The following GSN variants were observed in gnomAD, a reference collection of about 807,000 sequenced individuals.
The protein encoded by GSN is actin-depolymerizing factor.
Under a neutral mutation model 85.7 loss-of-function variants are expected in GSN, and 56 were observed. The observed-to-expected ratio is 0.65, with a 90% CI of 0.53 to 0.82. GSN has a LOEUF of 0.82. Ranked by LOEUF, GSN falls within the 40% of genes least tolerant of loss-of-function variation. The probability of loss-of-function intolerance (pLI) is 0.00; values close to 1 mark genes in which losing one functional copy is unlikely to be tolerated. For synonymous variants in GSN, 373 were observed against 399.1 expected, an observed-to-expected ratio of 0.93 and a Z score of 0.78; for missense variants, 857 against 979.8, an observed-to-expected ratio of 0.87 and a Z score of 1.67.
chr9:121,266,162 C>T (rs1321665575), upstream of GSN, among the ~76,000 whole-genome samples: 1 of 152,174 alleles, frequency 6.6e-6, no homozygotes, highest in African/African-American at 2.4e-5. Flanking sequence ...TTAGATCTAG[C>T]TTAGAATGTG....
chr9:121,294,321 A>C (rs1193474354), intron 2 of GSN, among the ~76,000 whole-genome samples: 2 of 152,058 alleles, frequency 1.3e-5, no homozygotes, highest in Non-Finnish European at 2.9e-5. Context: ...AGGGGCTAGG[A>C]CAGTTATTTG....
intron 2 of GSN, among the ~76,000 whole-genome samples, chr9:121,209,715 G>A (rs1386460407): frequency 6.6e-6 from 1 of 152,196 alleles, no homozygotes; most frequent in Non-Finnish European, 1.5e-5. Flanking sequence ...GTGCCTGGTA[G>A]GGAATAAACA....
chr9:121,267,565 C>T (rs1588524798), upstream of GSN, among the ~76,000 whole-genome samples: 1 of 152,184 alleles, frequency 6.6e-6, no homozygotes, highest in African/African-American at 2.4e-5. Context: ...TAGTCGATGT[C>T]TGGGGTTCCA....
At chr9:121,210,610 C>T (rs140119397) in intron 3 of GSN, among the ~76,000 whole-genome samples, 2 of 152,286 alleles carry the variant, frequency 1.3e-5, no homozygotes, top group East Asian at 1.9e-4. Context: ...TACCAGCACC[C>T]GTCCTGTGAA....
chr9:121,227,983 G>A (rs963780401), intron 4 of GSN, among the ~76,000 whole-genome samples: 1 of 152,098 alleles, frequency 6.6e-6, no homozygotes, highest in Non-Finnish European at 1.5e-5. Flanking sequence ...ATGGGGGCTA[G>A]TTAGTGCACC....
At chr9:121,222,750 A>G (rs562665919) in intron 4 of GSN, among the ~76,000 whole-genome samples, 7 of 152,284 alleles carry the variant, frequency 4.6e-5, no homozygotes, top group African/African-American at 1.7e-4. Context: ...AAGGCAGAGT[A>G]AGAGACTGAG....
At chr9:121,215,980 T>G (rs1795819351) in intron 4 of GSN, among the ~76,000 whole-genome samples, 1 of 152,156 alleles carries the variant, frequency 6.6e-6, no homozygotes, top group South Asian at 2.1e-4. Flanking sequence ...TGAAAGGCTC[T>G]TAGGCCATCA....
upstream of GSN, among the ~76,000 whole-genome samples, chr9:121,206,263 A>C (rs922236743): frequency 1.3e-5 from 2 of 152,194 alleles, no homozygotes. Context: ...AAAAGTTGAG[A>C]TCAGGTGCGG....
At chr9:121,245,114 A>G (rs2054674036) in intron 5 of GSN, among the ~76,000 whole-genome samples, 2 of 152,238 alleles carry the variant, frequency 1.3e-5, no homozygotes, top group African/African-American at 4.8e-5. Context: ...TAACCACACA[A>G]AGAAGACTTT....
chr9:121,201,720 G>A, the GSN span: 2 of 152,688 alleles, frequency 1.3e-5, no homozygotes, highest in African/African-American at 4.8e-5. Flanking sequence ...GACGCAGCGG[G>A]AGAGGGGGCG....
chr9:121,289,240 G>A (rs572679488), intron 2 of GSN, among the ~76,000 whole-genome samples: 5 of 151,926 alleles, frequency 3.3e-5, no homozygotes, highest in East Asian at 3.9e-4. Context: ...GGGGCCCAGC[G>A]GAGTGGTGGC....
intron 2 of GSN, chr9:121,300,071 C>A: frequency 6.2e-7 from 1 of 1,609,860 alleles, no homozygotes; most frequent in Non-Finnish European, 8.5e-7. Context: ...GCAGATACAG[C>A]GCTAGGAAAA....
intron 2 of GSN, chr9:121,284,160 C>A (rs2057769660): frequency 6.0e-6 from 1 of 167,012 alleles, no homozygotes. Flanking sequence ...CCTCTGGGAA[C>A]CATTGGAAGT....
intron 2 of GSN, among the ~76,000 whole-genome samples, chr9:121,293,697 CAAAAAA>C (rs55953322): frequency 1.8e-5 from 2 of 108,828 alleles, no homozygotes; most frequent in Non-Finnish European, 1.9e-5. Flanking sequence ...GACCCCATCT[CAAAAAA>C]AAAAAAAAAA....
At chr9:121,266,892 C>T (rs2055234280), upstream of GSN, among the ~76,000 whole-genome samples, 1 of 152,154 alleles carries the variant, frequency 6.6e-6, no homozygotes, top group Non-Finnish European at 1.5e-5. Flanking sequence ...TTCCCTGGGT[C>T]CTGTGGCTTC....
At chr9:121,204,464 T>C (rs1346710807), upstream of GSN, among the ~76,000 whole-genome samples, 2 of 152,190 alleles carry the variant, frequency 1.3e-5, no homozygotes, top group African/African-American at 4.8e-5. Context: ...GGATGCAGAG[T>C]GCCTATCACA....
intron 6 of GSN, among the ~76,000 whole-genome samples, chr9:121,256,899 A>T (rs1228134446): frequency 2.0e-5 from 3 of 152,206 alleles, no homozygotes; most frequent in Non-Finnish European, 4.4e-5. Flanking sequence ...TCAAAAAAAG[A>T]AAAAGAAAAA....
intron 6 of GSN, among the ~76,000 whole-genome samples, chr9:121,257,255 T>C (rs2054984377): frequency 6.6e-6 from 1 of 152,208 alleles, no homozygotes; most frequent in Non-Finnish European, 1.5e-5. Context: ...ATAGTAGCTA[T>C]AATTTATTAA....
intron 4 of GSN, among the ~76,000 whole-genome samples, chr9:121,227,615 A>G (rs2054295506): frequency 6.6e-6 from 1 of 152,160 alleles, no homozygotes; most frequent in Non-Finnish European, 1.5e-5. Context: ...ATCCAACACA[A>G]TCTTTAGATA....
Sources: allele counts gnomAD v4.1 joint callset (sites outside exome capture counted in the v4.1 genomes callset), GRCh38; gene constraint gnomAD v4.1.1; transcripts MANE v1.5; gene names NCBI Gene and HGNC (gene_info 2026-07-23, HGNC 2026-07-21).